Variants in CDH4 observed in about 807,000 individuals in gnomAD.
The protein encoded by CDH4 is cadherin-4.
In CDH4, 33 loss-of-function variants were observed where a neutral mutation model predicts 86.0. The observed-to-expected ratio is 0.38, with a 90% CI of 0.29 to 0.51. The LOEUF (loss-of-function observed/expected upper bound fraction) is 0.51, where lower values mean the gene tolerates loss of function less well. Among genes scored for constraint, CDH4 ranks in the 20% least tolerant of loss-of-function variants. The probability of loss-of-function intolerance (pLI) is 0.86; values close to 1 mark genes in which losing one functional copy is unlikely to be tolerated. For missense variants in CDH4, 1,114 were observed against 1,307.4 expected, an observed-to-expected ratio of 0.85 and a Z score of 2.28; for synonymous variants, 555 against 549.4, an observed-to-expected ratio of 1.01 and a Z score of -0.14.
chr20:61,883,699 G>T (rs974660768), intron 7 of CDH4, among the ~76,000 whole-genome samples: 3 of 152,156 alleles, frequency 2.0e-5, no homozygotes, highest in Non-Finnish European at 4.4e-5. Context: ...TCTCCTCTAT[G>T]ACCCAGGGGT....
At chr20:61,710,124 C>G (rs1004929073) in intron 2 of CDH4, among the ~76,000 whole-genome samples, 7 of 152,122 alleles carry the variant, frequency 4.6e-5, no homozygotes, top group African/African-American at 1.4e-4. Context: ...CCCTGCCGGG[C>G]GGGTCTGCAT....
At chr20:61,860,602 C>T (rs1983279227) in intron 6 of CDH4, among the ~76,000 whole-genome samples, 1 of 152,134 alleles carries the variant, frequency 6.6e-6, no homozygotes, top group Admixed American at 6.5e-5. Flanking sequence ...AGAAACAGCA[C>T]CTCAGAAGGG....
intron 3 of CDH4, among the ~76,000 whole-genome samples, chr20:61,764,017 A>T (rs2088669764): frequency 6.6e-6 from 1 of 151,924 alleles, no homozygotes; most frequent in Non-Finnish European, 1.5e-5. Flanking sequence ...GAGGGGAGGG[A>T]AATGATCCGA....
intron 2 of CDH4, among the ~76,000 whole-genome samples, chr20:61,607,695 A>G (rs1600802849): frequency 1.3e-5 from 2 of 152,342 alleles, no homozygotes; most frequent in Admixed American, 1.3e-4. Flanking sequence ...TGCCAGGGCC[A>G]GTGTTGTCTT....
At chr20:61,402,484 C>T (rs906930351) in intron 2 of CDH4, among the ~76,000 whole-genome samples, 7 of 152,210 alleles carry the variant, frequency 4.6e-5, no homozygotes, top group African/African-American at 1.2e-4. Flanking sequence ...AGCCTCCTCC[C>T]GGGTTCAAGC....
At chr20:61,418,359 C>T (rs533894405) in intron 2 of CDH4, among the ~76,000 whole-genome samples, 3 of 151,940 alleles carry the variant, frequency 2.0e-5, no homozygotes, top group African/African-American at 4.8e-5. Context: ...TACAGGCTCC[C>T]GCCACCACAC....
chr20:61,406,262 G>C (rs1428913947), intron 2 of CDH4, among the ~76,000 whole-genome samples: 1 of 151,532 alleles, frequency 6.6e-6, no homozygotes, highest in African/African-American at 2.4e-5. Flanking sequence ...ACCACCATCT[G>C]CTCTACCCGG....
At chr20:61,553,155 C>T (rs888457494) in intron 2 of CDH4, among the ~76,000 whole-genome samples, 4 of 152,218 alleles carry the variant, frequency 2.6e-5, no homozygotes, top group African/African-American at 9.6e-5. Context: ...GCATTGGAAA[C>T]ATTATGCCAA....
chr20:61,406,818 C>T (rs1478972124), intron 2 of CDH4, among the ~76,000 whole-genome samples: 2 of 147,246 alleles, frequency 1.4e-5, no homozygotes, highest in East Asian at 4.1e-4. Context: ...ACCATCTGCT[C>T]TGCCCGGACC....
Position 61,394,969 on chromosome 20 carries a change from G to A in CDH4, c.169+140032G>A, listed in dbSNP as rs531760820. The stretch of plus-strand genomic sequence containing the variant: ...CCTGGAAAAGCGCTCCCTGAGCTGG[G>A]GCACCTGTCTGGACCCCCACCTGTG... On this transcript the variant is annotated intron_variant, in intron 2 of 15. Transcript: ENST00000614565. Among the ~76,000 whole-genome samples, 11 of 147,848 alleles carry A rather than the reference G, an allele frequency of 7.4e-5. No homozygotes were observed. The South Asian group carries it at 2.7e-3, about 36-fold the overall frequency.
intron 6 of CDH4, among the ~76,000 whole-genome samples, chr20:61,862,303 C>T (rs1157507888): frequency 6.6e-6 from 1 of 152,176 alleles, no homozygotes; most frequent in African/African-American, 2.4e-5. Context: ...AGGGAGAGCC[C>T]AGCCTCAGCC....
chr20:61,570,000 G>C (rs1459467111), intron 2 of CDH4: 1 of 152,274 alleles, frequency 6.6e-6, no homozygotes, highest in Non-Finnish European at 1.5e-5. Flanking sequence ...GCCGCTCACT[G>C]TCTCGGCACC....
Position 61,684,856 on chromosome 20 carries a change from C to T in CDH4, c.170-58707C>T, listed in dbSNP as rs1373776703. Among the ~76,000 whole-genome samples the T allele has an allele frequency of 1.3e-5, 2 of 152,190 alleles. No homozygotes were observed. Among genetic ancestry groups the T allele is most frequent in the African/African-American group, 4.8e-5 (2 of 41,444 alleles). ...CTGAAGCTTCAAACACACAATTCAT[C>T]TGTAAATATTTGCTCACTCTATTTC... On this transcript the variant is annotated intron_variant, in intron 2 of 15. Coordinates refer to ENST00000614565, the MANE Select transcript of CDH4 (RefSeq NM_001794.5). The surrounding 1 kb of genome is among the most constrained non-coding windows in gnomAD (Gnocchi z 4.5).
intron 2 of CDH4, among the ~76,000 whole-genome samples, chr20:61,439,546 C>T (rs535579037): frequency 6.6e-6 from 1 of 152,340 alleles, no homozygotes; most frequent in East Asian, 1.9e-4. Flanking sequence ...CATGGTTCAG[C>T]CTTCTGATGG....
chr20:61,366,947 C>A (rs1043144623), intron 2 of CDH4, among the ~76,000 whole-genome samples: 3 of 152,052 alleles, frequency 2.0e-5, no homozygotes, highest in African/African-American at 7.2e-5. Context: ...TAGCCCTGGA[C>A]AACTGGAGCT....
At chr20:61,564,740 G>A (rs900269228) in intron 2 of CDH4, among the ~76,000 whole-genome samples, 1 of 152,154 alleles carries the variant, frequency 6.6e-6, no homozygotes, top group African/African-American at 2.4e-5. Context: ...ACCCCACCCT[G>A]CAATTCCAGT....
chr20:61,360,553 G>A (rs1385023000), intron 2 of CDH4, among the ~76,000 whole-genome samples: 3 of 152,304 alleles, frequency 2.0e-5, no homozygotes, highest in Admixed American at 2.0e-4. Context: ...AGGGGGCCAT[G>A]GGAGTCCTGC....
chr20:61,884,547 G>C (rs1030946299), intron 7 of CDH4, among the ~76,000 whole-genome samples: 1 of 152,148 alleles, frequency 6.6e-6, no homozygotes, highest in Non-Finnish European at 1.5e-5. Context: ...CTGAGCAGGG[G>C]TGATCTCTCG....
At chr20:61,660,916 C>G (rs2087247633) in intron 2 of CDH4, among the ~76,000 whole-genome samples, 2 of 152,140 alleles carry the variant, frequency 1.3e-5, no homozygotes, top group South Asian at 4.1e-4. Context: ...GGTCCCGCAG[C>G]CTCTGGAGTT....
Sources: gnomAD v4.1 joint callset for allele counts (sites outside exome capture counted in the v4.1 genomes callset) on GRCh38, gnomAD v4.1.1 for gene constraint, Gnocchi (gnomAD v3.1) non-coding constraint, MANE v1.5 for transcripts, NCBI Gene and HGNC (gene_info 2026-07-23, HGNC 2026-07-21) for gene names.